Variants in AIG1 observed in about 807,000 individuals in gnomAD.
AIG1 encodes the protein androgen induced 1, also known as androgen-induced gene 1 protein.
In AIG1, 23 loss-of-function variants were observed where a neutral mutation model predicts 31.4. That is an observed-to-expected ratio of 0.73 (90% CI 0.53 to 1.04). The LOEUF is 1.04. Ranked by LOEUF, AIG1 falls within the 50% of genes least tolerant of loss-of-function variation. The pLI is 0.00. For synonymous variants in AIG1, 100 were observed against 110.5 expected, an observed-to-expected ratio of 0.90 and a Z score of 0.60; for missense variants, 274 against 295.0, an observed-to-expected ratio of 0.93 and a Z score of 0.52.
chr6:143,187,715 C>G, intron 3 of AIG1: 1 of 1,535,976 alleles, frequency 6.5e-7, no homozygotes, highest in Non-Finnish European at 8.7e-7. Context: ...AAAGCTTGCT[C>G]CAGCAATGAC....
At chr6:143,222,396 T>TTG (rs1554259353) in intron 3 of AIG1, among the ~76,000 whole-genome samples, 15 of 151,792 alleles carry the variant, frequency 9.9e-5, no homozygotes, top group Non-Finnish European at 1.5e-4. Flanking sequence ...TGGTTTTTTT[T>TTG]TTGTTGTTGT....
chr6:143,096,238 A>C (rs1009430037), intron 1 of AIG1, among the ~76,000 whole-genome samples: 2 of 152,124 alleles, frequency 1.3e-5, no homozygotes, highest in African/African-American at 4.8e-5. Context: ...TTCCTGGTTA[A>C]AGTTACAGAG....
chr6:143,241,898 G>C (rs537218839), intron 3 of AIG1, among the ~76,000 whole-genome samples: 1 of 152,214 alleles, frequency 6.6e-6, no homozygotes, highest in Non-Finnish European at 1.5e-5. Context: ...TTCAGGCTGT[G>C]TGTATAAGGC....
intron 1 of AIG1, 47 bp downstream of exon 1, chr6:143,061,113 TGTGC>T (rs775908155): frequency 1.6e-4 from 247 of 1,581,230 alleles, no homozygotes; most frequent in Non-Finnish European, 1.8e-4. Flanking sequence ...CGTGCCTGTG[TGTGC>T]GTGTGTGTGT....
intron 1 of AIG1, among the ~76,000 whole-genome samples, chr6:143,071,656 C>CGTG (rs925359508): frequency 1.4e-3 from 214 of 151,690 alleles, no homozygotes; most frequent in Middle Eastern, 0.01. Flanking sequence ...GATATCTCAT[C>CGTG]GTGGTGGTGG....
chr6:143,314,127 T>C (rs72998105), intron 4 of AIG1, among the ~76,000 whole-genome samples: 2,476 of 147,846 alleles, frequency 0.017, 30 homozygotes, highest in Non-Finnish European at 0.023. Context: ...AACTGCAGGA[T>C]TGCTTGAGGC....
intron 1 of AIG1, among the ~76,000 whole-genome samples, chr6:143,071,030 A>C (rs1350349895): frequency 6.6e-6 from 1 of 152,218 alleles, no homozygotes; most frequent in Admixed American, 6.5e-5. Flanking sequence ...CAGTAAAGTT[A>C]TAGAACCTTT....
chr6:143,263,264 G>A (rs1347308723), intron 3 of AIG1, among the ~76,000 whole-genome samples: 2 of 136,310 alleles, frequency 1.5e-5, no homozygotes, highest in African/African-American at 5.6e-5. Context: ...CTATATCCTA[G>A]TCCTTTATTT....
chr6:143,087,376 A>G (rs1404593777), intron 1 of AIG1, among the ~76,000 whole-genome samples: 1 of 152,208 alleles, frequency 6.6e-6, no homozygotes, highest in Admixed American at 6.5e-5. Flanking sequence ...GCTGTGGGTC[A>G]TGGAAGAGAA....
chr6:143,114,260 T>C (rs1781555647), intron 1 of AIG1, among the ~76,000 whole-genome samples: 2 of 152,198 alleles, frequency 1.3e-5, no homozygotes, highest in Admixed American at 1.3e-4. Context: ...AAATATGTAA[T>C]GCTTGGTTTT....
chr6:143,274,433 G>T (rs1377194367), intron 3 of AIG1, among the ~76,000 whole-genome samples: 1 of 152,180 alleles, frequency 6.6e-6, no homozygotes, highest in Non-Finnish European at 1.5e-5. Flanking sequence ...TCCATGTAAA[G>T]CGATCAGTAC....
rs983674119 is a variant in AIG1, at chr6:143,288,226, A to C, written c.515+4001A>C. Among the ~76,000 whole-genome samples, 3 of 152,216 alleles carry C rather than the reference A, an allele frequency of 2.0e-5. No homozygotes were observed. Among genetic ancestry groups the C allele is most frequent in the African/African-American group, 2.4e-5 (1 of 41,440 alleles). The stretch of plus-strand genomic sequence containing the variant: ...CTTTCAGTCTGCAAGATACAGAAAG[A>C]GGAAACCAACTCAGACCCTAGGAAA... On this transcript the variant is annotated intron_variant, in intron 4 of 5. Transcript: ENST00000357847. This position sits in a 1 kb window ranked among gnomAD's most constrained non-coding sequence, Gnocchi z 4.4.
intron 5 of AIG1, 114 bp from the exon 6 acceptor site, chr6:143,339,525 G>GGGCA: frequency 1.9e-6 from 2 of 1,047,744 alleles, no homozygotes; most frequent in Non-Finnish European, 2.8e-6. Context: ...GAGGGTGAAT[G>GGGCA]GGAGAAGTGA....
intron 1 of AIG1, among the ~76,000 whole-genome samples, chr6:143,109,863 A>C (rs1251544453): frequency 6.6e-6 from 1 of 152,124 alleles, no homozygotes; most frequent in African/African-American, 2.4e-5. Flanking sequence ...TGATCAACTG[A>C]AGTTCTTACT....
intron 3 of AIG1, among the ~76,000 whole-genome samples, chr6:143,211,467 G>A (rs544521055): frequency 2.0e-5 from 3 of 152,270 alleles, no homozygotes; most frequent in South Asian, 4.1e-4. Flanking sequence ...CCACCACATT[G>A]CAAATTTCCT....
chr6:143,228,416 C>A (rs1033580288), intron 3 of AIG1, among the ~76,000 whole-genome samples: 1 of 152,152 alleles, frequency 6.6e-6, no homozygotes, highest in African/African-American at 2.4e-5. Context: ...ACCTCTACAG[C>A]GGGGACTGAG....
Position 143,284,371 on chromosome 6 carries a change from C to A in AIG1, c.515+146C>A. 1 of 577,584 alleles carries A rather than the reference C, an allele frequency of 1.7e-6. No homozygotes were observed. Among genetic ancestry groups the A allele is most frequent in the Non-Finnish European group, 3.1e-6 (1 of 326,744 alleles). The allele number at this position is 577,584 out of a possible 1,614,324, so 35.8% of individuals were successfully genotyped here. A position where few individuals can be genotyped will look rare whatever the true frequency, so the allele number is the denominator to read the frequency against. ...AAGACCTGGGCTTTGTCTCGTTTCC[C>A]CAGATGCTTATATTTTTAGAAAGTA... On this transcript the variant is annotated intron_variant, in intron 4 of 5. Transcript: ENST00000357847. The surrounding 1 kb of genome is among the most constrained non-coding windows in gnomAD (Gnocchi z 4.4).
At chr6:143,282,673 G>A (rs1050946198) in intron 3 of AIG1, among the ~76,000 whole-genome samples, 1 of 152,204 alleles carries the variant, frequency 6.6e-6, no homozygotes, top group Non-Finnish European at 1.5e-5. Flanking sequence ...AATTACTAAT[G>A]TATTGGCAGT....
At position 143,111,314 on chromosome 6, in the gene AIG1, C is replaced by G. The variant is rs546505874; in HGVS notation, c.142-25521C>G. On this transcript the variant is annotated intron_variant, in intron 1 of 5. Coordinates refer to ENST00000357847, the MANE Select transcript of AIG1 (RefSeq NM_016108.4). ...TTAAGACCCAAAGACCTCATAATTG[C>G]CAGATTCAGTAAAGAAGTTTTCTTC... Among the ~76,000 whole-genome samples, 647 of 152,310 alleles carry G rather than the reference C, an allele frequency of 4.2e-3. 4 individuals are homozygous for G. The highest frequency in any genetic ancestry group is 7.0e-3 in the Non-Finnish European group (477 of 68,028).
Sources: gnomAD v4.1 joint callset for allele counts (sites outside exome capture counted in the v4.1 genomes callset) on GRCh38, gnomAD v4.1.1 for gene constraint, Gnocchi (gnomAD v3.1) non-coding constraint, MANE v1.5 for transcripts, NCBI Gene and HGNC (gene_info 2026-07-23, HGNC 2026-07-21) for gene names.